The following CLNS1A variants were observed in gnomAD, a reference collection of about 807,000 sequenced individuals.
CLNS1A encodes methylosome subunit pICln.
CLNS1A carries 16 observed loss-of-function variants against 29.4 expected under a neutral mutation model. The ratio of observed to expected loss-of-function variants is 0.54; its 90% CI spans 0.37 to 0.83. CLNS1A has a LOEUF of 0.83. Ranked by LOEUF, CLNS1A falls within the 40% of genes least tolerant of loss-of-function variation. CLNS1A has a pLI of 0.00. For missense variants in CLNS1A, 235 were observed against 287.4 expected (o/e 0.82, Z 1.32); for synonymous variants, 96 against 104.8 (o/e 0.92, Z 0.51).
At position 77,629,833 on chromosome 11, in the gene CLNS1A, A is replaced by G. The variant is rs1959057165; in HGVS notation, c.192T>C (p.His64=). The G allele has an allele frequency of 1.2e-6, 2 of 1,613,716 alleles. No individual in the cohort carries two copies. Among genetic ancestry groups the G allele is most frequent in the Admixed American group, 3.3e-5 (2 of 60,006 alleles). The change falls in exon 2 of 7, where the codon CAT becomes CAC. Residue 64 remains histidine (H), a synonymous_variant. Transcript: ENST00000525428. ...AGTCACTTCGGTCCCTGGATAATGCATGTAAACTAATGGTGGGGTATTCCA... is the reference window on the plus strand; with the variant it reads ...AGTCACTTCGGTCCCTGGATAATGCGTGTAAACTAATGGTGGGGTATTCCA... ...FSLEYPTISL[H]ALSRDRSDCL... is the part of the protein sequence containing the mutation.
At chr11:77,634,505 C>CATGA (rs1367026042) in intron 1 of CLNS1A, among the ~76,000 whole-genome samples, 1 of 152,028 alleles carries the variant, frequency 6.6e-6, no homozygotes, top group Non-Finnish European at 1.5e-5. Flanking sequence ...GTGGGTGGAT[C>CATGA]ATGAGGTCAG....
chr11:77,626,388 C>T (rs1022475391), intron 2 of CLNS1A, among the ~76,000 whole-genome samples: 27 of 152,248 alleles, frequency 1.8e-4, no homozygotes, highest in Admixed American at 8.5e-4. Flanking sequence ...CGCCTGTAAT[C>T]CCAGCACTTT....
chr11:77,636,950 A>G (rs1037962754), intron 1 of CLNS1A, among the ~76,000 whole-genome samples: 1 of 152,150 alleles, frequency 6.6e-6, no homozygotes, highest in African/African-American at 2.4e-5. Flanking sequence ...GTGGCCAAAT[A>G]AAAGGGCAAT....
At chr11:77,630,040 A>C (rs1238428858) in intron 1 of CLNS1A, 141 bp from the exon 2 acceptor site, 2 of 685,906 alleles carry the variant, frequency 2.9e-6, no homozygotes, top group South Asian at 2.5e-5. Flanking sequence ...TCATAAAATA[A>C]GAAAATTCAG....
rs1312771494 is a variant in CLNS1A at position 77,615,519 on chromosome 11, GAAT to G, written c.*1196_*1198del. 1.5e-4 allele frequency: 23 copies of G among 152,254 alleles called. No individual in the cohort carries two copies. The highest frequency in any genetic ancestry group is 5.5e-4 in the African/African-American group (23 of 41,530). 9.4% of individuals were successfully genotyped at this position (152,254 alleles called of 1,614,324 possible). A position where few individuals can be genotyped will look rare whatever the true frequency, so the allele number is the denominator to read the frequency against. On this transcript the variant is annotated 3_prime_UTR_variant, in exon 7 of 7. Coordinates refer to ENST00000525428, the MANE Select transcript of CLNS1A (RefSeq NM_001293.3). ...AAAGCGTATCTCATAAGATAATTAA[GAAT>G]ATTATAATACATAATAAAGAACTCA...
chr11:77,635,810 A>G (rs560965405), intron 1 of CLNS1A, among the ~76,000 whole-genome samples: 22 of 152,342 alleles, frequency 1.4e-4, no homozygotes, highest in African/African-American at 5.3e-4. Flanking sequence ...CACCACTTCA[A>G]AGAAACTGCT....
At chr11:77,622,717 A>G in intron 4 of CLNS1A, 44 bp from the exon 5 acceptor site, 1 of 1,438,662 alleles carries the variant, frequency 7.0e-7, no homozygotes, top group Non-Finnish European at 9.4e-7. Context: ...AACAATTAGA[A>G]AAAACAAAAT....
intron 1 of CLNS1A, among the ~76,000 whole-genome samples, chr11:77,634,316 C>A (rs1009861802): frequency 1.3e-5 from 2 of 152,192 alleles, no homozygotes; most frequent in Non-Finnish European, 1.5e-5. Context: ...CCAGCTTTAT[C>A]ATCTCTGGGC....
At chr11:77,624,768 G>A (rs545974583) in intron 4 of CLNS1A, among the ~76,000 whole-genome samples, 195 bp downstream of exon 4, 125 of 152,132 alleles carry the variant, frequency 8.2e-4, no homozygotes, top group African/African-American at 2.6e-3. Context: ...GCAGTGAGCC[G>A]AGACCACGCC....
At chr11:77,621,631 G>A (rs1196449026) in intron 5 of CLNS1A, among the ~76,000 whole-genome samples, 2 of 152,280 alleles carry the variant, frequency 1.3e-5, no homozygotes, top group East Asian at 1.9e-4. Context: ...CAACAAGAGC[G>A]AAACTCCATC....
At chr11:77,636,708 G>A (rs376608974) in intron 1 of CLNS1A, among the ~76,000 whole-genome samples, 42 of 152,284 alleles carry the variant, frequency 2.8e-4, no homozygotes, top group African/African-American at 1.0e-3. Context: ...TTTTACAGGT[G>A]GTTCCAAAGT....
chr11:77,636,148 G>A (rs1025506840), intron 1 of CLNS1A, among the ~76,000 whole-genome samples: 1 of 151,780 alleles, frequency 6.6e-6, no homozygotes, highest in African/African-American at 2.4e-5. Context: ...ACGGCTCACC[G>A]CAGCCTCGAC....
chr11:77,618,875 A>G (rs1446663767), intron 6 of CLNS1A, among the ~76,000 whole-genome samples: 1 of 152,232 alleles, frequency 6.6e-6, no homozygotes, highest in East Asian at 1.9e-4. Context: ...GTGGTAGCAG[A>G]GTCAAGTCAA....
intron 2 of CLNS1A, among the ~76,000 whole-genome samples, chr11:77,626,168 C>T (rs537217674): frequency 3.3e-5 from 5 of 152,246 alleles, no homozygotes; most frequent in African/African-American, 1.2e-4. Context: ...GACTGGACAC[C>T]CTTGCCCTCT....
chr11:77,622,393 TAG>T (rs1347165668), intron 5 of CLNS1A, 105 bp downstream of exon 5: 34 of 761,416 alleles, frequency 4.5e-5, no homozygotes, highest in East Asian at 1.0e-4. Flanking sequence ...TCCTATACTA[TAG>T]AGAGTCAATT....
At chr11:77,627,913 C>T (rs1022849927) in intron 2 of CLNS1A, among the ~76,000 whole-genome samples, 2 of 152,152 alleles carry the variant, frequency 1.3e-5, no homozygotes, top group East Asian at 1.9e-4. Flanking sequence ...GCAACCTCCA[C>T]CTCCCGGGTT....
In CLNS1A at chr11:77,629,834, T is replaced by G. The variant is rs1959057197; in HGVS notation, c.191A>C (p.His64Pro). ...FSLEYPTISL[H>P]ALSRDRSDCL... ...GTCACTTCGGTCCCTGGATAATGCA[T>G]GTAAACTAATGGTGGGGTATTCCAG... Residue 64 changes from histidine (H) to proline (P), a missense_variant, in exon 2 of 7, where the codon CAT becomes CCT. Coordinates refer to ENST00000525428, the MANE Select transcript of CLNS1A (RefSeq NM_001293.3). The G allele has an allele frequency of 6.2e-7, 1 of 1,613,760 alleles. No individual in the cohort carries two copies. Among genetic ancestry groups the G allele is most frequent in the Non-Finnish European group, 8.5e-7 (1 of 1,179,814 alleles).
Position 77,615,099 on chromosome 11 carries a change from A to G in CLNS1A, c.*1619T>C, listed in dbSNP as rs918290637. 6.6e-6 allele frequency: 1 copy of G among 152,216 alleles called. No homozygotes were observed. Among genetic ancestry groups the G allele is most frequent in the Non-Finnish European group, 1.5e-5 (1 of 68,040 alleles). 9.4% of individuals were successfully genotyped at this position (152,216 alleles called of 1,614,324 possible). On this transcript the variant is annotated 3_prime_UTR_variant, in exon 7 of 7. Transcript: ENST00000525428. ...ACCAAGTACACTCTGAATCTTCTCG[A>G]CATTTTGCTATCAGAGCAATTTATG...
intron 6 of CLNS1A, among the ~76,000 whole-genome samples, chr11:77,618,240 G>C (rs1051684950): frequency 6.6e-6 from 1 of 152,258 alleles, no homozygotes; most frequent in Admixed American, 6.5e-5. Flanking sequence ...CAATAAAACA[G>C]TTACTAAAAC....
Sources: gnomAD v4.1 joint callset for allele counts (sites outside exome capture counted in the v4.1 genomes callset) on GRCh38, gnomAD v4.1.1 for gene constraint, MANE v1.5 for transcripts, NCBI Gene and HGNC (gene_info 2026-07-23, HGNC 2026-07-21) for gene names.